Variants in MAN2A1 observed in about 807,000 individuals in gnomAD.
MAN2A1 encodes alpha-mannosidase 2.
A neutral mutation model predicts 142.6 loss-of-function variants in MAN2A1; 76 were observed. The observed-to-expected ratio is 0.53, with a 90% CI of 0.44 to 0.65. The LOEUF is 0.65. Among genes scored for constraint, MAN2A1 ranks in the 30% least tolerant of loss-of-function variants. MAN2A1 has a pLI of 0.00. For missense variants in MAN2A1, 1,311 were observed against 1,365.1 expected (o/e 0.96, Z 0.62); for synonymous variants, 559 against 473.2 (o/e 1.18, Z -2.35).
intron 1 of MAN2A1, among the ~76,000 whole-genome samples, chr5:109,691,845 TGAGCTCA>T (rs1561461888): frequency 6.6e-6 from 1 of 152,182 alleles, no homozygotes; most frequent in African/African-American, 2.4e-5. Flanking sequence ...CTTTAAATCT[TGAGCTCA>T]GAGCTTGTCC....
chr5:109,815,989 A>C (rs1754446934), intron 12 of MAN2A1, among the ~76,000 whole-genome samples: 1 of 152,224 alleles, frequency 6.6e-6, no homozygotes, highest in South Asian at 2.1e-4. Context: ...AGACAATATG[A>C]TGCAAATTGA....
chr5:109,752,935 C>G (rs886379228), intron 4 of MAN2A1, among the ~76,000 whole-genome samples: 3 of 152,062 alleles, frequency 2.0e-5, no homozygotes, highest in African/African-American at 7.2e-5. Flanking sequence ...TCTTGAAGAC[C>G]ATTGATGCCT....
intron 16 of MAN2A1, chr5:109,840,231 G>C (rs1755165280): frequency 3.9e-6 from 1 of 255,566 alleles, no homozygotes; most frequent in African/African-American, 2.3e-5. Context: ...ACTTCTATAG[G>C]TCCTTGCAGT....
chr5:109,702,315 T>TTTG (rs1273188590), intron 1 of MAN2A1, among the ~76,000 whole-genome samples: 5 of 144,034 alleles, frequency 3.5e-5, no homozygotes, highest in Admixed American at 1.4e-4. Flanking sequence ...AGAACATAAA[T>TTTG]TGTGTGTGTG....
At chr5:109,739,832 G>A (rs1424953485) in intron 4 of MAN2A1, among the ~76,000 whole-genome samples, 1 of 152,142 alleles carries the variant, frequency 6.6e-6, no homozygotes, top group Non-Finnish European at 1.5e-5. Flanking sequence ...CCTCTTCCTT[G>A]TTGCCTAGCC....
At chr5:109,725,475 G>A (rs1314306654) in intron 3 of MAN2A1, among the ~76,000 whole-genome samples, 1 of 152,210 alleles carries the variant, frequency 6.6e-6, no homozygotes, top group African/African-American at 2.4e-5. Flanking sequence ...AGGGTTAAGT[G>A]CCCTGATGGG....
intron 4 of MAN2A1, among the ~76,000 whole-genome samples, chr5:109,746,291 T>G (rs1752402733): frequency 6.6e-6 from 1 of 152,138 alleles, no homozygotes; most frequent in Non-Finnish European, 1.5e-5. Flanking sequence ...TTGTTAGTTT[T>G]CAGTGCTTAG....
intron 20 of MAN2A1, among the ~76,000 whole-genome samples, chr5:109,857,222 G>A (rs1355393250): frequency 6.6e-6 from 1 of 152,166 alleles, no homozygotes; most frequent in Non-Finnish European, 1.5e-5. Context: ...CTTTATTCAT[G>A]GCTATATCCC....
chr5:109,690,388 A>C lies in MAN2A1; in HGVS notation c.-30A>C. The C allele has an allele frequency of 1.2e-6, 2 of 1,613,676 alleles. No homozygotes were observed. Among genetic ancestry groups the C allele is most frequent in the Non-Finnish European group, 8.5e-7 (1 of 1,179,630 alleles). On this transcript the variant is annotated 5_prime_UTR_variant, in exon 1 of 22. Transcript: ENST00000261483. ...TGCGCTGTCTCCTTTGGCTGAGGAG[A>C]GTGTCCTGGCCCCGAGTCTATCGAG...
chr5:109,760,109 G>C (rs1449485502), intron 5 of MAN2A1, among the ~76,000 whole-genome samples: 1 of 151,990 alleles, frequency 6.6e-6, no homozygotes, highest in Non-Finnish European at 1.5e-5. Context: ...TCTATGTTAG[G>C]TATTTCTCCT....
chr5:109,863,170 C>T (rs1412907157), intron 20 of MAN2A1: 1 of 152,136 alleles, frequency 6.6e-6, no homozygotes, highest in Admixed American at 6.5e-5. Flanking sequence ...TTTAAAAGAG[C>T]TTAATGAAGA....
chr5:109,693,718 G>C (rs1750737131), intron 1 of MAN2A1, among the ~76,000 whole-genome samples: 1 of 152,122 alleles, frequency 6.6e-6, no homozygotes, highest in Admixed American at 6.5e-5. Flanking sequence ...ACAGCTGCCT[G>C]CCTCTAAGAT....
Position 109,708,172 on chromosome 5 carries a change from T to G in MAN2A1, c.136-5348T>G, listed in dbSNP as rs1209206338. On this transcript the variant is annotated intron_variant, in intron 1 of 21. Transcript: ENST00000261483. ...GGCAGGAGGAAAACCTAGGGCATGT[T>G]GTATTGGGAATGAGTAAAGAAAACA... 2.0e-5 allele frequency among the ~76,000 whole-genome samples: 3 copies of G among 152,110 alleles called. No individual in the cohort carries two copies. The East Asian group carries it at 5.8e-4, about 29-fold the overall frequency.
At chr5:109,817,549 G>A (rs1189430538) in intron 13 of MAN2A1, 111 bp downstream of exon 13, 1 of 1,036,204 alleles carries the variant, frequency 9.7e-7, no homozygotes, top group Non-Finnish European at 1.4e-6. Context: ...TGTATGTGAG[G>A]TGATGAAAGT....
chr5:109,850,541 A>G (rs1755457973), intron 19 of MAN2A1, among the ~76,000 whole-genome samples: 2 of 152,246 alleles, frequency 1.3e-5, no homozygotes, highest in South Asian at 2.1e-4. Flanking sequence ...TTTTAAATCA[A>G]TCACTGACAA....
At chr5:109,861,993 C>T (rs1306140797) in intron 20 of MAN2A1, among the ~76,000 whole-genome samples, 1 of 152,252 alleles carries the variant, frequency 6.6e-6, no homozygotes, top group East Asian at 1.9e-4. Flanking sequence ...TTATATATCA[C>T]CTCAACTATT....
At chr5:109,732,118 G>A (rs1457958241) in intron 4 of MAN2A1, among the ~76,000 whole-genome samples, 6 of 151,334 alleles carry the variant, frequency 4.0e-5, no homozygotes, top group South Asian at 2.1e-4. Context: ...GCCAGTGATG[G>A]TGAGCATTTT....
chr5:109,858,451 C>T (rs1755678478), intron 20 of MAN2A1, among the ~76,000 whole-genome samples: 1 of 152,112 alleles, frequency 6.6e-6, no homozygotes, highest in Non-Finnish European at 1.5e-5. Context: ...AAAAAAAAGA[C>T]CAAAATGACT....
At chr5:109,799,302 C>G (rs909468135) in intron 12 of MAN2A1, among the ~76,000 whole-genome samples, 4 of 152,198 alleles carry the variant, frequency 2.6e-5, no homozygotes, top group African/African-American at 9.7e-5. Flanking sequence ...GTATTTTTGT[C>G]TCTCGCATCA....
Sources: gnomAD v4.1 joint callset for allele counts (sites outside exome capture counted in the v4.1 genomes callset) on GRCh38, gnomAD v4.1.1 for gene constraint, MANE v1.5 for transcripts, NCBI Gene and HGNC (gene_info 2026-07-23, HGNC 2026-07-21) for gene names.